CSMD3: variants seen among roughly 807,000 people sequenced by gnomAD.
The protein encoded by CSMD3 is CUB and sushi domain-containing protein 3.
Under a neutral mutation model 435.2 loss-of-function variants are expected in CSMD3, and 177 were observed. That is an observed-to-expected ratio of 0.41 (90% confidence interval 0.36 to 0.46). The LOEUF is 0.46. Among genes scored for constraint, CSMD3 ranks in the 20% least tolerant of loss-of-function variants. CSMD3 has a pLI of 0.34. For synonymous variants in CSMD3, 1,656 were observed against 1,520.5 expected, an observed-to-expected ratio of 1.09 and a Z score of -2.07; for missense variants, 4,265 against 4,504.6, an observed-to-expected ratio of 0.95 and a Z score of 1.52.
intron 26 of CSMD3, among the ~76,000 whole-genome samples, chr8:112,552,231 A>T (rs1470764846): frequency 6.7e-6 from 1 of 150,138 alleles, no homozygotes; most frequent in Non-Finnish European, 1.5e-5. Flanking sequence ...GTAGTGGCTC[A>T]CACCTGTAAT....
intron 34 of CSMD3, among the ~76,000 whole-genome samples, chr8:112,408,003 T>C (rs1832009111): frequency 6.6e-6 from 1 of 151,978 alleles, no homozygotes; most frequent in Non-Finnish European, 1.5e-5. Flanking sequence ...TTAGACTAAA[T>C]AGTCTAGAGT....
intron 12 of CSMD3, among the ~76,000 whole-genome samples, chr8:112,826,733 C>T (rs1159298463): frequency 2.0e-5 from 3 of 152,128 alleles, no homozygotes; most frequent in Admixed American, 6.5e-5. Context: ...TTTTCAATGG[C>T]AGCCTCCGAT....
At chr8:112,871,211 T>A (rs2081126674) in intron 10 of CSMD3, among the ~76,000 whole-genome samples, 1 of 152,194 alleles carries the variant, frequency 6.6e-6, no homozygotes, top group African/African-American at 2.4e-5. Flanking sequence ...TAAAACAATG[T>A]GCTGATGAAA....
At chr8:112,996,085 G>A (rs954371377) in intron 6 of CSMD3, among the ~76,000 whole-genome samples, 37 of 151,464 alleles carry the variant, frequency 2.4e-4, no homozygotes, top group Non-Finnish European at 3.0e-5. Flanking sequence ...TATGAATTAT[G>A]TCATATACTT....
At chr8:112,319,755 C>T (rs933441363) in intron 46 of CSMD3, 146 bp downstream of exon 46, 8 of 687,376 alleles carry the variant, frequency 1.2e-5, no homozygotes, top group Admixed American at 2.2e-5. Context: ...ACTCCTTCTC[C>T]CTTCTTAAAA....
intron 27 of CSMD3, among the ~76,000 whole-genome samples, chr8:112,545,735 G>A (rs1334341551): frequency 1.3e-5 from 2 of 152,054 alleles, no homozygotes; most frequent in African/African-American, 4.8e-5. Context: ...TTGTCTTTCA[G>A]ATGTAACCAT....
intron 10 of CSMD3, among the ~76,000 whole-genome samples, chr8:112,892,388 A>C (rs946893297): frequency 6.6e-6 from 1 of 151,560 alleles, no homozygotes; most frequent in Non-Finnish European, 1.5e-5. Flanking sequence ...TATGAAACTG[A>C]ACATTAATGA....
intron 22 of CSMD3, among the ~76,000 whole-genome samples, chr8:112,609,706 A>T (rs1833104456): frequency 6.6e-6 from 1 of 152,114 alleles, no homozygotes; most frequent in Non-Finnish European, 1.5e-5. Context: ...CTGCATCCTC[A>T]TGTTTATTGC....
chr8:113,104,880 T>C (rs2090429567), intron 4 of CSMD3, among the ~76,000 whole-genome samples: 1 of 152,092 alleles, frequency 6.6e-6, no homozygotes, highest in Admixed American at 6.6e-5. Context: ...TGAAGGTTTA[T>C]TTTTGAATGC....
At chr8:113,410,107 C>T (rs1005915525) in intron 1 of CSMD3, among the ~76,000 whole-genome samples, 2 of 152,108 alleles carry the variant, frequency 1.3e-5, no homozygotes, top group African/African-American at 4.8e-5. Context: ...TAAATTATCT[C>T]TCACACAAAC....
chr8:112,503,648 T>C, intron 30 of CSMD3, 142 bp downstream of exon 30: 1 of 559,496 alleles, frequency 1.8e-6, no homozygotes, highest in Non-Finnish European at 3.0e-6. Context: ...GTGAGAACGC[T>C]TTTATGAGAT....
intron 22 of CSMD3, among the ~76,000 whole-genome samples, chr8:112,625,372 GA>G (rs2131534284): frequency 6.6e-6 from 1 of 152,090 alleles, no homozygotes; most frequent in Admixed American, 6.6e-5. Context: ...GCAATGTCTG[GA>G]AAAATGAAAA....
intron 63 of CSMD3, 97 bp downstream of exon 63, chr8:112,254,156 C>A (rs1284436198): frequency 1.6e-5 from 14 of 865,824 alleles, no homozygotes; most frequent in South Asian, 6.6e-5. Context: ...GCAGATAGAA[C>A]ATGACTTTTT....
intron 27 of CSMD3, among the ~76,000 whole-genome samples, chr8:112,521,420 C>T (rs1343334507): frequency 1.3e-5 from 2 of 151,886 alleles, no homozygotes; most frequent in African/African-American, 2.4e-5. Flanking sequence ...CTTCCTTCTT[C>T]AAGCACTGTT....
intron 38 of CSMD3, among the ~76,000 whole-genome samples, chr8:112,374,149 T>C (rs979003775): frequency 1.3e-5 from 2 of 152,194 alleles, no homozygotes; most frequent in African/African-American, 2.4e-5. Flanking sequence ...ACTTAGCAAA[T>C]ATTATGTTAA....
chr8:113,436,704 A>T lies in CSMD3; in HGVS notation c.151T>A (p.Phe51Ile). 1.9e-6 allele frequency: 3 copies of T among 1,614,230 alleles called. No homozygotes were observed. Among genetic ancestry groups the T allele is most frequent in the Non-Finnish European group, 2.5e-6 (3 of 1,180,048 alleles). The change falls in exon 1 of 71, where the codon TTT (phenylalanine) becomes ATT (isoleucine). Residue 51 changes from phenylalanine (F) to isoleucine (I), a missense_variant. Physicochemically the swap from Phe to Ile is conservative, Grantham distance 21. This residue lies in a region of CSMD3 where 731 missense variants were observed against 755.4 expected (regional missense o/e 0.97). Transcript: ENST00000297405. ...KSGFTFWNLV[F>I]LLTVSCVKGF... ...TTCACACAAGACACCGTCAATAAAA[A>T]GACGAGGTTCCAAAACGTAAATCCA... is the stretch of plus-strand genomic sequence containing the variant.
chr8:112,616,629 T>G (rs1184501931), intron 22 of CSMD3, among the ~76,000 whole-genome samples: 1 of 152,052 alleles, frequency 6.6e-6, no homozygotes. Flanking sequence ...TGACAACACA[T>G]GGATTCAGAC....
intron 65 of CSMD3, among the ~76,000 whole-genome samples, chr8:112,243,324 T>C (rs756425634): frequency 1.3e-5 from 2 of 152,188 alleles, no homozygotes; most frequent in Non-Finnish European, 2.9e-5. Flanking sequence ...TTGTCATTTA[T>C]GACAGCTGCA....
At chr8:112,421,814 T>A (rs1812543340) in intron 32 of CSMD3, among the ~76,000 whole-genome samples, 1 of 151,570 alleles carries the variant, frequency 6.6e-6, no homozygotes, top group South Asian at 2.1e-4. Flanking sequence ...AAAACATTTT[T>A]AAAAGGTATA....
Sources: allele counts gnomAD v4.1 joint callset (sites outside exome capture counted in the v4.1 genomes callset), GRCh38; gene constraint gnomAD v4.1.1; regional missense constraint gnomAD v4.1.1; transcripts MANE v1.5; gene names NCBI Gene and HGNC (gene_info 2026-07-23, HGNC 2026-07-21).